DCC: variants seen among roughly 807,000 people sequenced by gnomAD.
DCC encodes DCC netrin 1 receptor.
Under a neutral mutation model 172.5 loss-of-function variants are expected in DCC, and 58 were observed. That is an observed-to-expected ratio of 0.34 (90% CI 0.27 to 0.42). The LOEUF (loss-of-function observed/expected upper bound fraction) is 0.42, where lower values mean the gene tolerates loss of function less well. Ranked by LOEUF, DCC falls within the 10% of genes least tolerant of loss-of-function variation. The pLI is 1.00. For synonymous variants in DCC, 709 were observed against 644.5 expected (o/e 1.10, Z -1.52); for missense variants, 1,740 against 1,791.0 (o/e 0.97, Z 0.51).
At chr18:52,771,378 C>T (rs1269476011) in intron 2 of DCC, among the ~76,000 whole-genome samples, 1 of 152,218 alleles carries the variant, frequency 6.6e-6, no homozygotes, top group Non-Finnish European at 1.5e-5. Context: ...GAGCCCCTTA[C>T]TAGCTGACAT....
At chr18:53,193,617 C>A (rs1048431593) in intron 9 of DCC, among the ~76,000 whole-genome samples, 1 of 152,012 alleles carries the variant, frequency 6.6e-6, no homozygotes, top group African/African-American at 2.4e-5. Context: ...TACTGCTGGT[C>A]TCTGTTACCC....
intron 1 of DCC, among the ~76,000 whole-genome samples, chr18:52,430,815 C>T (rs1043184281): frequency 1.3e-5 from 2 of 152,222 alleles, no homozygotes; most frequent in South Asian, 2.1e-4. Flanking sequence ...AAAACACTCT[C>T]AAATAATTTT....
At chr18:52,805,923 A>T (rs1049273184) in intron 2 of DCC, among the ~76,000 whole-genome samples, 1 of 152,214 alleles carries the variant, frequency 6.6e-6, no homozygotes, top group Admixed American at 6.5e-5. Context: ...ACTTAAATTC[A>T]CTGTACCAAG....
intron 7 of DCC, among the ~76,000 whole-genome samples, chr18:53,108,393 T>C (rs2043281277): frequency 6.6e-6 from 1 of 151,880 alleles, no homozygotes; most frequent in Non-Finnish European, 1.5e-5. Flanking sequence ...CACACATTTC[T>C]ACAGCTACTT....
At chr18:53,209,590 C>A (rs2055713670) in intron 11 of DCC, among the ~76,000 whole-genome samples, 1 of 152,094 alleles carries the variant, frequency 6.6e-6, no homozygotes, top group Admixed American at 6.5e-5. Context: ...ACAAAGAGAA[C>A]ACAGGAATAA....
intron 17 of DCC, among the ~76,000 whole-genome samples, chr18:53,392,874 T>C (rs987969408): frequency 3.3e-5 from 5 of 152,174 alleles, no homozygotes; most frequent in Non-Finnish European, 7.4e-5. Context: ...TAAAAACACA[T>C]TTAGAACTTA....
chr18:52,673,661 C>T (rs34099112), intron 1 of DCC, among the ~76,000 whole-genome samples: 62,856 of 151,728 alleles, frequency 0.41, 13,241 homozygotes, highest in Non-Finnish European at 0.47. Context: ...GTAAATAAGG[C>T]CTTTTTTGAA....
intron 1 of DCC, among the ~76,000 whole-genome samples, chr18:52,716,238 G>A (rs115375773): frequency 2.7e-3 from 410 of 152,316 alleles, no homozygotes; most frequent in African/African-American, 7.8e-3. Flanking sequence ...CCTTCTTTGC[G>A]TGTGGAACAA....
chr18:52,954,106 C>T (rs1051982089), intron 5 of DCC, among the ~76,000 whole-genome samples: 1 of 152,158 alleles, frequency 6.6e-6, no homozygotes, highest in African/African-American at 2.4e-5. Flanking sequence ...GTTCAACTTC[C>T]CTTTCATTAA....
At chr18:52,784,178 A>G (rs1342897610) in intron 2 of DCC, among the ~76,000 whole-genome samples, 2 of 151,986 alleles carry the variant, frequency 1.3e-5, no homozygotes, top group Non-Finnish European at 2.9e-5. Flanking sequence ...AGATCATGCA[A>G]TATCTGTTTC....
chr18:52,552,660 C>T (rs2032808397), intron 1 of DCC, among the ~76,000 whole-genome samples: 1 of 151,942 alleles, frequency 6.6e-6, no homozygotes, highest in African/African-American at 2.4e-5. Flanking sequence ...CCACGTGCTA[C>T]TAATGCAATG....
At chr18:52,375,928 T>C (rs1264309061) in intron 1 of DCC, among the ~76,000 whole-genome samples, 3 of 152,176 alleles carry the variant, frequency 2.0e-5, no homozygotes, top group African/African-American at 7.2e-5. Flanking sequence ...TGGTAAAGAC[T>C]GGTAGTCTGT....
At chr18:52,892,020 C>T (rs2039657233) in intron 2 of DCC, among the ~76,000 whole-genome samples, 1 of 152,112 alleles carries the variant, frequency 6.6e-6, no homozygotes, top group Non-Finnish European at 1.5e-5. Context: ...TGCAGACTTA[C>T]TAAAGTGGTG....
At chr18:52,884,443 A>G (rs1482667977) in intron 2 of DCC, among the ~76,000 whole-genome samples, 12 of 151,724 alleles carry the variant, frequency 7.9e-5, no homozygotes, top group Admixed American at 7.9e-4. Flanking sequence ...CAAGTTCACT[A>G]ATTCTTTCTT....
At chr18:53,341,729 C>G (rs971646422) in intron 15 of DCC, among the ~76,000 whole-genome samples, 3 of 152,038 alleles carry the variant, frequency 2.0e-5, no homozygotes, top group African/African-American at 4.8e-5. Context: ...CACTATTTAG[C>G]CAAAGTGTGT....
At chr18:53,468,363 T>TTTATTTATTTATTTTA (rs1555675962) in intron 25 of DCC, among the ~76,000 whole-genome samples, 5,856 of 54,580 alleles carry the variant, frequency 0.11, 468 homozygotes, top group African/African-American at 0.23. Context: ...TATTTATTTA[T>TTTATTTATTTATTTTA]TTTATTTATT....
At chr18:53,261,724 C>T (rs1400041321) in intron 12 of DCC, among the ~76,000 whole-genome samples, 1 of 152,118 alleles carries the variant, frequency 6.6e-6, no homozygotes, top group Non-Finnish European at 1.5e-5. Flanking sequence ...TGGTCTTGAT[C>T]TCCTGACCTT....
intron 2 of DCC, among the ~76,000 whole-genome samples, chr18:52,764,328 G>A (rs181513849): frequency 5.3e-4 from 80 of 152,304 alleles, no homozygotes; most frequent in African/African-American, 1.9e-3. Flanking sequence ...GAAACCTAGA[G>A]GAATGCATCT....
rs1599085580 is a variant in DCC, at chr18:53,380,416, C to A, written c.2360-5627C>A. ...CACAATATAAAAGGATATCAAAGCA[C>A]TATAGCCCACTTGTTAACTAATAAA... is the stretch of plus-strand genomic sequence containing the variant. On this transcript the variant is annotated intron_variant, in intron 15 of 28. Coordinates refer to ENST00000442544, the MANE Select transcript of DCC (RefSeq NM_005215.4). Among the ~76,000 whole-genome samples, 3 of 152,166 alleles carry A rather than the reference C, an allele frequency of 2.0e-5. No homozygotes were observed. In the South Asian group the frequency reaches 6.2e-4, roughly 32 times the overall value.
Sources: allele counts gnomAD v4.1 joint callset (sites outside exome capture counted in the v4.1 genomes callset), GRCh38; gene constraint gnomAD v4.1.1; transcripts MANE v1.5; gene names NCBI Gene and HGNC (gene_info 2026-07-23, HGNC 2026-07-21).